The following CDH12 variants were observed in gnomAD, a reference collection of about 807,000 sequenced individuals.
CDH12 encodes the protein cadherin-12.
In CDH12, 41 loss-of-function variants were observed where a neutral mutation model predicts 74.1. That is an observed-to-expected ratio of 0.55 (90% CI 0.43 to 0.72). The LOEUF (loss-of-function observed/expected upper bound fraction) is 0.72, where lower values mean the gene tolerates loss of function less well. Among genes scored for constraint, CDH12 ranks in the 30% least tolerant of loss-of-function variants. CDH12 has a pLI of 0.00. For missense variants in CDH12, 945 were observed against 977.2 expected (o/e 0.97, Z 0.44); for synonymous variants, 399 against 355.0 (o/e 1.12, Z -1.39).
At chr5:22,646,954 C>T (rs1739467068) in intron 1 of CDH12, among the ~76,000 whole-genome samples, 1 of 151,788 alleles carries the variant, frequency 6.6e-6, no homozygotes. Flanking sequence ...AGTAAAGAAA[C>T]TCATTTTCTT....
chr5:21,984,549 C>T (rs1339631807), intron 5 of CDH12, among the ~76,000 whole-genome samples: 1 of 152,146 alleles, frequency 6.6e-6, no homozygotes, highest in South Asian at 2.1e-4. Context: ...TAAACAGTCA[C>T]CAATCTTTCA....
At chr5:21,766,797 C>G (rs368310881) in intron 11 of CDH12, among the ~76,000 whole-genome samples, 6 of 151,950 alleles carry the variant, frequency 3.9e-5, no homozygotes, top group Non-Finnish European at 1.5e-5. Flanking sequence ...TTGCAATGTA[C>G]AAATATTCAA....
chr5:22,237,956 A>G (rs552652884), intron 3 of CDH12, among the ~76,000 whole-genome samples: 3 of 152,300 alleles, frequency 2.0e-5, no homozygotes, highest in African/African-American at 7.2e-5. Context: ...ATTACCTCCA[A>G]GTTATGGCTA....
chr5:21,941,922 A>C (rs1034354382), intron 6 of CDH12, among the ~76,000 whole-genome samples: 1 of 152,078 alleles, frequency 6.6e-6, no homozygotes, highest in Non-Finnish European at 1.5e-5. Context: ...TGGCTTACTA[A>C]AATGTCGACG....
chr5:22,330,058 C>A (rs1399562701), intron 3 of CDH12, among the ~76,000 whole-genome samples: 1 of 152,202 alleles, frequency 6.6e-6, no homozygotes, highest in Non-Finnish European at 1.5e-5. Flanking sequence ...CTTCTTCCAA[C>A]CTCAGGCACT....
chr5:22,637,631 G>A (rs1738910336), intron 1 of CDH12, among the ~76,000 whole-genome samples: 1 of 152,202 alleles, frequency 6.6e-6, no homozygotes, highest in African/African-American at 2.4e-5. Context: ...GATGATTAGG[G>A]AGCATGGTCT....
intron 13 of CDH12, among the ~76,000 whole-genome samples, chr5:21,759,403 C>A (rs557489986): frequency 6.6e-6 from 1 of 151,160 alleles, no homozygotes; most frequent in Non-Finnish European, 1.5e-5. Flanking sequence ...CAAACCATGT[C>A]TCTCCCTCCC....
chr5:22,058,947 T>C (rs1434515292), intron 5 of CDH12, among the ~76,000 whole-genome samples: 1 of 152,154 alleles, frequency 6.6e-6, no homozygotes. Flanking sequence ...AGAATGCCTC[T>C]TCAATTATTT....
chr5:22,435,639 T>TCCTTCTTG (rs1183462021), intron 2 of CDH12, among the ~76,000 whole-genome samples: 1 of 151,820 alleles, frequency 6.6e-6, no homozygotes, highest in Non-Finnish European at 1.5e-5. Flanking sequence ...AAAACAGACC[T>TCCTTCTTG]CCTTCTTGCC....
intron 3 of CDH12, among the ~76,000 whole-genome samples, chr5:22,400,907 T>A (rs966273932): frequency 6.6e-6 from 1 of 152,104 alleles, no homozygotes; most frequent in Non-Finnish European, 1.5e-5. Flanking sequence ...GGAAGTGAGT[T>A]GACTTTGGGA....
rs59666017 is a variant in CDH12 at position 21,814,142 on chromosome 5, AGTGTGTGTGTGTGTGT to A, written c.1002+2787_1002+2802del. Among the ~76,000 whole-genome samples, 152 of 145,596 alleles carry A rather than the reference AGTGTGTGTGTGTGTGT, an allele frequency of 1.0e-3. 1 individual carries two copies. The highest frequency in any genetic ancestry group is 3.5e-3 in the African/African-American group (139 of 39,420). ...TGATTCATCCACCACAGGAGAAATG[AGTGTGTGTGTGTGTGT>A]GTGTGTGTGTGTGTGTGTGTGTGTG... is the stretch of plus-strand genomic sequence containing the variant. On this transcript the variant is annotated intron_variant, in intron 9 of 14. Coordinates refer to ENST00000382254, the MANE Select transcript of CDH12 (RefSeq NM_004061.5).
At chr5:22,484,598 G>T (rs1205974988) in intron 2 of CDH12, among the ~76,000 whole-genome samples, 1 of 152,186 alleles carries the variant, frequency 6.6e-6, no homozygotes, top group African/African-American at 2.4e-5. Flanking sequence ...CAAACTTGAA[G>T]CCTTGAAGTA....
chr5:22,490,322 C>T (rs1746806523), intron 2 of CDH12, among the ~76,000 whole-genome samples: 1 of 152,076 alleles, frequency 6.6e-6, no homozygotes, highest in Non-Finnish European at 1.5e-5. Context: ...ATATTGCTTT[C>T]ACTCCTTCTA....
rs147370448 is a variant in CDH12, at chr5:22,202,410, G to C, written c.-187+10088C>G. On this transcript the variant is annotated intron_variant, in intron 4 of 14. Coordinates refer to ENST00000382254, the MANE Select transcript of CDH12 (RefSeq NM_004061.5). Reference sequence around the variant, plus strand: ...TTAGGTAGAATGGTAAGAGAAAACTGAAAAATTAGTTTCAGCTAATATTAG... The same window carrying C: ...TTAGGTAGAATGGTAAGAGAAAACTCAAAAATTAGTTTCAGCTAATATTAG... Among the ~76,000 whole-genome samples, 552 of 152,202 alleles carry C rather than the reference G, an allele frequency of 3.6e-3. 6 individuals carry two copies. Among genetic ancestry groups the C allele is most frequent in the African/African-American group, 0.013 (521 of 41,510 alleles).
chr5:22,136,286 A>C (rs1746456395), intron 4 of CDH12, among the ~76,000 whole-genome samples: 1 of 152,064 alleles, frequency 6.6e-6, no homozygotes, highest in East Asian at 1.9e-4. Context: ...ATGGACATCT[A>C]GGGGAAGAGT....
At chr5:21,909,150 C>G (rs116798774) in intron 6 of CDH12, among the ~76,000 whole-genome samples, 4 of 152,122 alleles carry the variant, frequency 2.6e-5, no homozygotes, top group East Asian at 3.9e-4. Context: ...TCTAGAGAAG[C>G]CTTTATGCCA....
intron 4 of CDH12, among the ~76,000 whole-genome samples, chr5:22,079,899 G>GA (rs35956037): frequency 0.36 from 52,032 of 145,682 alleles, 11,081 homozygotes; most frequent in African/African-American, 0.61. Flanking sequence ...TATGCAAATG[G>GA]AAAAAAAAAA....
chr5:22,809,507 T>C (rs1441183274), intron 1 of CDH12, among the ~76,000 whole-genome samples: 1 of 151,858 alleles, frequency 6.6e-6, no homozygotes, highest in East Asian at 1.9e-4. Context: ...TAGAAATATA[T>C]ATCTTCACAC....
intron 1 of CDH12, among the ~76,000 whole-genome samples, chr5:22,812,212 G>A (rs1749182810): frequency 6.6e-6 from 1 of 152,120 alleles, no homozygotes; most frequent in Non-Finnish European, 1.5e-5. Flanking sequence ...CTTAAAAGCT[G>A]AGGCTCTCCG....
Sources: gnomAD v4.1 joint callset for allele counts (sites outside exome capture counted in the v4.1 genomes callset) on GRCh38, gnomAD v4.1.1 for gene constraint, MANE v1.5 for transcripts, NCBI Gene and HGNC (gene_info 2026-07-23, HGNC 2026-07-21) for gene names.